The following PLOD1 variants were observed in gnomAD, a reference collection of about 807,000 sequenced individuals.
The protein encoded by PLOD1 is lysine hydroxylase.
PLOD1 carries 70 observed loss-of-function variants against 94.7 expected under a neutral mutation model. The ratio of observed to expected loss-of-function variants is 0.74; its 90% CI spans 0.61 to 0.90. The LOEUF (loss-of-function observed/expected upper bound fraction) is 0.90. Among genes scored for constraint, PLOD1 ranks in the 40% least tolerant of loss-of-function variants. The pLI, the probability that PLOD1 is intolerant of heterozygous loss-of-function variation, is 0.00. For missense variants in PLOD1, 905 were observed against 972.7 expected (o/e 0.93, Z 0.93); for synonymous variants, 417 against 400.2 (o/e 1.04, Z -0.50).
chr1:11,939,505 G>A (rs961773106), intron 1 of PLOD1, among the ~76,000 whole-genome samples: 1 of 152,128 alleles, frequency 6.6e-6, no homozygotes, highest in Non-Finnish European at 1.5e-5. Flanking sequence ...GGGGGCATCC[G>A]GTGGCACAGT....
At chr1:11,944,166 G>A (rs558513381) in intron 1 of PLOD1, among the ~76,000 whole-genome samples, 10 of 152,166 alleles carry the variant, frequency 6.6e-5, no homozygotes, top group African/African-American at 2.4e-4. Context: ...CCAGGAGATA[G>A]AGGTTGTAGT....
intron 15 of PLOD1, among the ~76,000 whole-genome samples, 176 bp from the exon 16 acceptor site, chr1:11,966,811 A>T (rs1002745492): frequency 6.6e-6 from 1 of 152,012 alleles, no homozygotes; most frequent in Non-Finnish European, 1.5e-5. Flanking sequence ...TCGGCTGGGA[A>T]AGTCTGTCTC....
At chr1:11,944,116 C>T (rs1645633068) in intron 1 of PLOD1, among the ~76,000 whole-genome samples, 1 of 151,882 alleles carries the variant, frequency 6.6e-6, no homozygotes, top group South Asian at 2.1e-4. Flanking sequence ...ACCTGTAATC[C>T]CAACTATTTA....
intron 1 of PLOD1, chr1:11,944,794 C>A: frequency 3.6e-6 from 2 of 561,714 alleles, no homozygotes; most frequent in Non-Finnish European, 5.4e-6. Context: ...AGCTCCCTGC[C>A]CCGGCTACCC....
chr1:11,957,080 GACCC>G lies in PLOD1; in HGVS notation c.741+67_741+70del. On this transcript the variant is annotated intron_variant, in intron 7 of 18. Transcript: ENST00000196061. The surrounding 1 kb of genome is among the most constrained non-coding windows in gnomAD (Gnocchi z 4.1). ...AGAGCCCTAATTTCATTCTCACTGT[GACCC>G]CACAGTGTCTCCCTGGGGCCAGGGC... 1.9e-6 allele frequency: 2 copies of G among 1,075,024 alleles called. No individual in the cohort carries two copies. Among genetic ancestry groups the G allele is most frequent in the Non-Finnish European group, 2.9e-6 (2 of 687,688 alleles). The allele number at this position is 1,075,024 out of a possible 1,614,324, so 66.6% of individuals were successfully genotyped here. A position where few individuals can be genotyped will look rare whatever the true frequency, so the allele number is the denominator to read the frequency against.
At chr1:11,969,355 T>C (rs1366953059) in intron 16 of PLOD1, among the ~76,000 whole-genome samples, 1 of 152,150 alleles carries the variant, frequency 6.6e-6, no homozygotes, top group African/African-American at 2.4e-5. Flanking sequence ...TAAAGGCACA[T>C]GAGACCCTGG....
rs1645754066 is a variant in PLOD1, at chr1:11,958,360, C to CG, written c.844-155dup. 6.6e-6 allele frequency among the ~76,000 whole-genome samples: 1 copy of CG among 152,062 alleles called. No individual in the cohort carries two copies. Among genetic ancestry groups the CG allele is most frequent in the Admixed American group, 6.6e-5 (1 of 15,256 alleles). On this transcript the variant is annotated intron_variant, in intron 8 of 18. Transcript: ENST00000196061. The surrounding 1 kb of genome is among the most constrained non-coding windows in gnomAD (Gnocchi z 4.3). ...CCCTCCTGCTGCTTCCCTGCCCCCC[C>CG]GTACCCCCTGACTGGAGTTCCCCGG...
chr1:11,944,773 G>T, intron 1 of PLOD1: 1 of 802,092 alleles, frequency 1.2e-6, no homozygotes, highest in South Asian at 1.8e-5. Flanking sequence ...CCAGCCCTCT[G>T]CCCTGGGGCC....
intron 1 of PLOD1, among the ~76,000 whole-genome samples, chr1:11,936,860 T>C (rs1645582949): frequency 1.3e-5 from 2 of 150,620 alleles, no homozygotes; most frequent in Non-Finnish European, 3.0e-5. Context: ...TCTTTTTTTT[T>C]TTTTGAGGCA....
rs925589880 is a variant in PLOD1 at position 11,949,646 on chromosome 1, C to T, written c.169-127C>T. On this transcript the variant is annotated intron_variant, in intron 2 of 18. Coordinates refer to ENST00000196061, the MANE Select transcript of PLOD1 (RefSeq NM_000302.4). ...TGTTGGCCAGTCTGGTCTTGAATTC[C>T]TGACCTCAGGTGGTCCACACGTCTC... 1.1e-5 allele frequency: 10 copies of T among 898,498 alleles called. No homozygotes were observed. In the African/African-American group the frequency reaches 1.3e-4, roughly 12 times the overall value. 55.7% of individuals were successfully genotyped at this position (898,498 alleles called of 1,614,324 possible). A position where few individuals can be genotyped will look rare whatever the true frequency, so the allele number is the denominator to read the frequency against.
intron 1 of PLOD1, among the ~76,000 whole-genome samples, chr1:11,938,056 G>A (rs1215597073): frequency 1.3e-5 from 2 of 151,274 alleles, no homozygotes; most frequent in African/African-American, 4.9e-5. Flanking sequence ...GGGTTCAAGC[G>A]ATTCTCCTGT....
rs1232605018 is a variant in PLOD1, at chr1:11,963,048, T to C, written c.1098-484T>C. 7.5e-6 allele frequency among the ~76,000 whole-genome samples: 1 copy of C among 134,122 alleles called. No individual in the cohort carries two copies. Among genetic ancestry groups the C allele is most frequent in the Non-Finnish European group, 1.8e-5 (1 of 57,054 alleles). 88.0% of individuals were successfully genotyped at this position (134,122 alleles called of 152,430 possible). A position where few individuals can be genotyped will look rare whatever the true frequency, so the allele number is the denominator to read the frequency against. ...AGAGTGAGACTCGTTCTCAAAAAAA[T>C]AAAATAAAATAAAAATAAAAAAAAG... On this transcript the variant is annotated intron_variant, in intron 10 of 18. Transcript: ENST00000196061. This position sits in a 1 kb window ranked among gnomAD's most constrained non-coding sequence, Gnocchi z 4.3.
intron 16 of PLOD1, 106 bp from the exon 17 acceptor site, chr1:11,970,564 C>T (rs932637554): frequency 1.9e-6 from 2 of 1,030,570 alleles, no homozygotes; most frequent in African/African-American, 3.1e-5. Context: ...TCAGTTTTGT[C>T]ATGTAATGTG....
chr1:11,967,616 A>ATATATATATATATATATATAT (rs35226154), intron 16 of PLOD1, among the ~76,000 whole-genome samples: 1,184 of 74,036 alleles, frequency 0.016, 104 homozygotes, highest in Admixed American at 0.03. Context: ...TATATATATA[A>ATATATATATATATATATATAT]AAAGAAATAT....
intron 3 of PLOD1, among the ~76,000 whole-genome samples, chr1:11,950,125 G>A (rs966366665): frequency 6.6e-6 from 1 of 152,218 alleles, no homozygotes; most frequent in Non-Finnish European, 1.5e-5. Context: ...CCCCCTTTAA[G>A]TAAGAGAAGA....
intron 4 of PLOD1, among the ~76,000 whole-genome samples, chr1:11,951,638 T>C (rs1645703103): frequency 6.9e-6 from 1 of 145,618 alleles, no homozygotes; most frequent in African/African-American, 2.5e-5. Flanking sequence ...ATATATATAA[T>C]ATATATATTG....
chr1:11,964,851 C>T lies in PLOD1; in HGVS notation c.1470+66C>T, dbSNP rs1268182072. On this transcript the variant is annotated intron_variant, in intron 13 of 18. Transcript: ENST00000196061. ...GGCAGGCGGGAAGGTGGGCCTCCAG[C>T]TCTGACCCTCATGGTGGGCCGCCTT... The T allele has an allele frequency of 1.9e-6, 3 of 1,546,334 alleles. No individual in the cohort carries two copies. In the African/African-American group the frequency reaches 4.1e-5, roughly 21 times the overall value.
Position 11,972,739 on chromosome 1 carries a change from C to A in PLOD1, c.1903-133C>A. 1.1e-6 allele frequency: 1 copy of A among 899,836 alleles called. No homozygotes were observed. The highest frequency in any genetic ancestry group is 1.3e-5 in the South Asian group (1 of 74,998). The allele number at this position is 899,836 out of a possible 1,614,324, so 55.7% of individuals were successfully genotyped here. A position where few individuals can be genotyped will look rare whatever the true frequency, so the allele number is the denominator to read the frequency against. ...TAGTTGCAGGCACTCGAGCATAGAG[C>A]CCCATGTAGACCTGGCCCCTGTAAG... is the stretch of plus-strand genomic sequence containing the variant. On this transcript the variant is annotated intron_variant, in intron 17 of 18. Coordinates refer to ENST00000196061, the MANE Select transcript of PLOD1 (RefSeq NM_000302.4). The surrounding 1 kb of genome is among the most constrained non-coding windows in gnomAD (Gnocchi z 4.6).
Position 11,964,078 on chromosome 1 carries a change from C to T in PLOD1, c.1203-97C>T, listed in dbSNP as rs1645798308. ...TGAGGTGCTTGGGGATCCCTGCGTG[C>T]AGGTTGAGGGGCACCTACCTCCCCC... On this transcript the variant is annotated intron_variant, in intron 11 of 18. Transcript: ENST00000196061. 4.0e-6 allele frequency: 5 copies of T among 1,246,390 alleles called. No individual in the cohort carries two copies. In the East Asian group the frequency reaches 9.3e-5, roughly 23 times the overall value. The allele number at this position is 1,246,390 out of a possible 1,614,324, so 77.2% of individuals were successfully genotyped here.
Sources: gnomAD v4.1 joint callset for allele counts (sites outside exome capture counted in the v4.1 genomes callset) on GRCh38, gnomAD v4.1.1 for gene constraint, Gnocchi (gnomAD v3.1) non-coding constraint, MANE v1.5 for transcripts, NCBI Gene and HGNC (gene_info 2026-07-23, HGNC 2026-07-21) for gene names.